The following ST14 variants were observed in gnomAD, a reference collection of about 807,000 sequenced individuals.
ST14 encodes suppressor of tumorigenicity 14 protein.
In ST14, 40 loss-of-function variants were observed where a neutral mutation model predicts 96.5. That is an observed-to-expected ratio of 0.41 (90% CI 0.32 to 0.54). The LOEUF (loss-of-function observed/expected upper bound fraction) is 0.54. Ranked by LOEUF, ST14 falls within the 20% of genes least tolerant of loss-of-function variation. ST14 has a pLI of 0.17. For missense variants in ST14, 1,066 were observed against 1,188.9 expected (o/e 0.90, Z 1.52); for synonymous variants, 506 against 492.1 (o/e 1.03, Z -0.37).
At chr11:130,200,428 T>C (rs1001588273) in intron 16 of ST14, among the ~76,000 whole-genome samples, 1 of 152,078 alleles carries the variant, frequency 6.6e-6, no homozygotes, top group East Asian at 1.9e-4. Context: ...AGAAGGCACA[T>C]CACATGGCGA....
intron 6 of ST14, 86 bp downstream of exon 6, chr11:130,190,234 CATGTCCCTCTGAAT>C: frequency 6.4e-7 from 1 of 1,554,380 alleles, no homozygotes; most frequent in Non-Finnish European, 8.9e-7. Context: ...TCCCCAGAAG[CATGTCCCTCTGAAT>C]GAAGTATATT....
At position 130,181,322 on chromosome 11, in the gene ST14, C is replaced by T. The variant is rs996863911; in HGVS notation, c.82-6792C>T. ...AACCTCCCGCCTGGAAGTCATTCCT[C>T]GTTCCCTTGTCTGAGTGGCCTGGAG... On this transcript the variant is annotated intron_variant, in intron 1 of 18. Transcript: ENST00000278742. This position sits in a 1 kb window ranked among gnomAD's most constrained non-coding sequence, Gnocchi z 4.1. Among the ~76,000 whole-genome samples the T allele has an allele frequency of 6.6e-5, 10 of 152,238 alleles. No individual in the cohort carries two copies. Among genetic ancestry groups the T allele is most frequent in the African/African-American group, 1.9e-4 (8 of 41,528 alleles).
At position 130,188,922 on chromosome 11, in the gene ST14, G is replaced by A. The variant is rs371643517; in HGVS notation, c.423G>A (p.Ser141=). ...TCCTGGGCCCCTACCACAAGGAGTCGGCTGTGACGGCCTTCAGGTGGGTGT... is the reference window on the plus strand; with the variant it reads ...TCCTGGGCCCCTACCACAAGGAGTCAGCTGTGACGGCCTTCAGGTGGGTGT... ...VPFLGPYHKE[S]AVTAFSEGSV... The change falls in exon 4 of 19, where the codon TCG becomes TCA. Residue 141 remains serine (S), a synonymous_variant. Transcript: ENST00000278742. This position sits in a 1 kb window ranked among gnomAD's most constrained non-coding sequence, Gnocchi z 5.4. 3.0e-5 allele frequency: 49 copies of A among 1,611,028 alleles called. No homozygotes were observed. Among genetic ancestry groups the A allele is most frequent in the African/African-American group, 4.0e-5 (3 of 74,938 alleles).
chr11:130,191,615 G>A (rs1364726100), intron 7 of ST14, among the ~76,000 whole-genome samples: 1 of 149,870 alleles, frequency 6.7e-6, no homozygotes, highest in African/African-American at 2.5e-5. Context: ...ACTTGAACCT[G>A]GGAGGCAGAG....
chr11:130,207,248 C>T (rs1953498591), intron 16 of ST14, among the ~76,000 whole-genome samples: 1 of 152,110 alleles, frequency 6.6e-6, no homozygotes, highest in African/African-American at 2.4e-5. Context: ...GGTTTTAGGC[C>T]AGTTTTTAAG....
At chr11:130,167,686 C>T (rs1021201272) in intron 1 of ST14, among the ~76,000 whole-genome samples, 3 of 151,952 alleles carry the variant, frequency 2.0e-5, no homozygotes, top group Non-Finnish European at 4.4e-5. Flanking sequence ...CAAGGAGATG[C>T]CTGAGCTGAA....
chr11:130,160,125 G>C (rs1952987845), intron 1 of ST14, 65 bp downstream of exon 1: 1 of 1,158,402 alleles, frequency 8.6e-7, no homozygotes, highest in Non-Finnish European at 1.1e-6. Context: ...GCAGCGCGGC[G>C]CTGGGCTCGG....
At chr11:130,170,835 A>G (rs759779053) in intron 1 of ST14, among the ~76,000 whole-genome samples, 8 of 152,072 alleles carry the variant, frequency 5.3e-5, no homozygotes, top group Non-Finnish European at 1.2e-4. Context: ...TGTAGTAGAT[A>G]GAGTTTTGCA....
chr11:130,194,859 TGTGTGTG>T, intron 9 of ST14, 122 bp downstream of exon 9: 1 of 119,516 alleles, frequency 8.4e-6, no homozygotes, highest in Non-Finnish European at 1.3e-5. Context: ...TGCATGTGTG[TGTGTGTG>T]TGTGTGTGTG....
At chr11:130,170,042 A>C (rs766571232) in intron 1 of ST14, among the ~76,000 whole-genome samples, 4 of 152,130 alleles carry the variant, frequency 2.6e-5, no homozygotes, top group Non-Finnish European at 5.9e-5. Context: ...GGGATCGAAG[A>C]GGCAGAGATG....
intron 9 of ST14, 47 bp from the exon 10 acceptor site, chr11:130,196,292 G>T (rs1486003178): frequency 2.0e-6 from 3 of 1,474,706 alleles, no homozygotes; most frequent in Admixed American, 2.0e-5. Flanking sequence ...CAGGTTCAGG[G>T]AGGAGGGAGG....
At position 130,208,424 on chromosome 11, in the gene ST14, C is replaced by T. The variant is rs780142655; in HGVS notation, c.2009C>T (p.Thr670Met). 6.2e-7 allele frequency: 1 copy of T among 1,614,104 alleles called. No homozygotes were observed. The highest frequency in any genetic ancestry group is 1.7e-5 in the Admixed American group (1 of 60,032). Residue 670 changes from threonine to methionine, a missense_variant, in exon 17 of 19, where the codon ACG (threonine) becomes ATG (methionine). Thr to Met is a moderately conservative substitution (Grantham distance 81, BLOSUM62 -1). Transcript: ENST00000278742. ...DDRGFRYSDP[T>M]QWTAFLGLHD... is the part of the protein sequence containing the mutation. ...CTCCCTACCAGGTACTCAGACCCCA[C>T]GCAGTGGACGGCCTTCCTGGGCTTG... is the stretch of plus-strand genomic sequence containing the variant.
chr11:130,188,458 C>T lies in ST14; in HGVS notation c.242-72C>T, dbSNP rs1953260165. 1.2e-6 allele frequency: 2 copies of T among 1,609,934 alleles called. No homozygotes were observed. Among genetic ancestry groups the T allele is most frequent in the Non-Finnish European group, 1.7e-6 (2 of 1,179,128 alleles). ...TGGCCCCCTCCTGGCATTCATTCCC[C>T]ATTGTGGACGGCGAGGGACAGGCGG... On this transcript the variant is annotated intron_variant, in intron 2 of 18. Coordinates refer to ENST00000278742, the MANE Select transcript of ST14 (RefSeq NM_021978.4). This position sits in a 1 kb window ranked among gnomAD's most constrained non-coding sequence, Gnocchi z 5.4.
At chr11:130,168,123 ATT>A (rs1953057975) in intron 1 of ST14, among the ~76,000 whole-genome samples, 1 of 152,246 alleles carries the variant, frequency 6.6e-6, no homozygotes, top group South Asian at 2.1e-4. Flanking sequence ...GGAACATATC[ATT>A]CTTTCCATCT....
At chr11:130,161,516 G>A (rs1268332309) in intron 1 of ST14, among the ~76,000 whole-genome samples, 1 of 152,152 alleles carries the variant, frequency 6.6e-6, no homozygotes, top group African/African-American at 2.4e-5. Context: ...CTGGTCGTGT[G>A]GTCCAGCCTC....
In ST14 at chr11:130,197,948, G is replaced by A; in HGVS notation, c.1459+3G>A. ...CCACAGCGATGAGCTCAACTGCAGT[G>A]AGTCAGGCTGGGAGCCCCGGTCTCC... On this transcript the variant is annotated splice_donor_region_variant and intron_variant, in intron 12 of 18. Transcript: ENST00000278742. 1 of 1,574,302 alleles carries A rather than the reference G, an allele frequency of 6.4e-7. No individual in the cohort carries two copies. Among genetic ancestry groups the A allele is most frequent in the Non-Finnish European group, 8.6e-7 (1 of 1,162,786 alleles).
In ST14 at chr11:130,159,838, C is replaced by T. The variant is rs1025689507; in HGVS notation, c.-142C>T. 1 of 254,520 alleles carries T rather than the reference C, an allele frequency of 3.9e-6. No homozygotes were observed. Among genetic ancestry groups the T allele is most frequent in the Non-Finnish European group, 7.1e-6 (1 of 140,144 alleles). 15.8% of individuals were successfully genotyped at this position (254,520 alleles called of 1,614,324 possible). On this transcript the variant is annotated 5_prime_UTR_variant, in exon 1 of 19. Transcript: ENST00000278742. ...AAGAGGGAGAGAGAGCGCGCCAGGG[C>T]GAGGGCACCGCCGCCGGTCGGGCGC...
chr11:130,198,688 C>T lies in ST14; in HGVS notation c.1684+67C>T, dbSNP rs73587023. ...CCTGGAGGAGGCTGCCCTGAGCACA[C>T]GCACATGCAGGACGCCCCGAGTTTA... is the stretch of plus-strand genomic sequence containing the variant. On this transcript the variant is annotated intron_variant, in intron 14 of 18. Transcript: ENST00000278742. The T allele has an allele frequency of 1.5e-3, 2,123 of 1,460,656 alleles. 34 individuals are homozygous for T. Among genetic ancestry groups the T allele is most frequent in the South Asian group, 0.013 (1,158 of 86,604 alleles). The allele number at this position is 1,460,656 out of a possible 1,614,324, so 90.5% of individuals were successfully genotyped here. A position where few individuals can be genotyped will look rare whatever the true frequency, so the allele number is the denominator to read the frequency against.
intron 1 of ST14, among the ~76,000 whole-genome samples, chr11:130,166,147 A>G (rs1953038865): frequency 6.6e-6 from 1 of 152,262 alleles, no homozygotes; most frequent in South Asian, 2.1e-4. Context: ...TGCTTTACAT[A>G]GACACAGCTT....
Sources: gnomAD v4.1 joint callset for allele counts (sites outside exome capture counted in the v4.1 genomes callset) on GRCh38, gnomAD v4.1.1 for gene constraint, Gnocchi (gnomAD v3.1) non-coding constraint, MANE v1.5 for transcripts, NCBI Gene and HGNC (gene_info 2026-07-23, HGNC 2026-07-21) for gene names.